ANKRD30BL: variants seen among roughly 807,000 people sequenced by gnomAD.
The protein encoded by ANKRD30BL is putative ankyrin repeat domain-containing protein 30B-like.
ANKRD30BL carries 20 observed loss-of-function variants against 18.4 expected under a neutral mutation model. That is an observed-to-expected ratio of 1.09 (90% CI 0.77 to 1.58). ANKRD30BL has a LOEUF of 1.58. ANKRD30BL is among the 40% of genes most tolerant of loss of function. The pLI is 0.00. For missense variants in ANKRD30BL, 224 were observed against 268.6 expected (o/e 0.83, Z 1.16); for synonymous variants, 72 against 100.9 (o/e 0.71, Z 1.72).
chr2:132,256,236 C>A (rs1446780824), intron 1 of ANKRD30BL, among the ~76,000 whole-genome samples: 1 of 151,700 alleles, frequency 6.6e-6, no homozygotes, highest in Non-Finnish European at 1.5e-5. Flanking sequence ...ATGAGCCCGG[C>A]GTCCCAGTTG....
chr2:132,198,259 CT>C (rs1447907507), intron 1 of ANKRD30BL, among the ~76,000 whole-genome samples: 5 of 130,712 alleles, frequency 3.8e-5, no homozygotes, highest in African/African-American at 1.8e-4. Flanking sequence ...ACTATACCTT[CT>C]TTCTTTCTTT....
At chr2:132,160,401 C>CTTTTTTTTTTTTTT (rs33924872) in intron 1 of ANKRD30BL, among the ~76,000 whole-genome samples, 3 of 97,588 alleles carry the variant, frequency 3.1e-5, no homozygotes, top group African/African-American at 1.3e-4. Context: ...ACGCCTGGCC[C>CTTTTTTTTTTTTTT]TTTTTTTTTT....
chr2:132,178,950 T>A (rs556196986), intron 1 of ANKRD30BL, among the ~76,000 whole-genome samples: 83 of 151,544 alleles, frequency 5.5e-4, no homozygotes, highest in African/African-American at 1.9e-3. Context: ...TGGTGATGCA[T>A]TTTGCAGAGG....
intron 1 of ANKRD30BL, among the ~76,000 whole-genome samples, chr2:132,179,322 C>G: frequency 6.7e-6 from 1 of 148,486 alleles, no homozygotes. Context: ...GAGTCTCCCT[C>G]TGTTGCCCAG....
chr2:132,197,634 G>A (rs1215603486), intron 1 of ANKRD30BL, among the ~76,000 whole-genome samples: 1 of 151,638 alleles, frequency 6.6e-6, no homozygotes, highest in African/African-American at 2.4e-5. Flanking sequence ...ATTATATTGT[G>A]TGTAGAGAGG....
At chr2:132,159,454 C>T (rs1296622309) in intron 1 of ANKRD30BL, among the ~76,000 whole-genome samples, 1 of 152,050 alleles carries the variant, frequency 6.6e-6, no homozygotes, top group African/African-American at 2.4e-5. Context: ...AACTTAAATG[C>T]CTTCTGTAAC....
At chr2:132,215,207 T>A (rs1679464834) in intron 1 of ANKRD30BL, among the ~76,000 whole-genome samples, 1 of 152,222 alleles carries the variant, frequency 6.6e-6, no homozygotes, top group South Asian at 2.1e-4. Context: ...GACAGAAGCA[T>A]TCTGAGAAAC....
At chr2:132,198,878 A>G (rs1679035233) in intron 1 of ANKRD30BL, among the ~76,000 whole-genome samples, 1 of 152,282 alleles carries the variant, frequency 6.6e-6, no homozygotes, top group African/African-American at 2.4e-5. Context: ...TAGGCCTCCC[A>G]AAGTACTGGA....
chr2:132,157,841 G>A (rs1479087751), intron 1 of ANKRD30BL, among the ~76,000 whole-genome samples: 1 of 152,110 alleles, frequency 6.6e-6, no homozygotes, highest in Non-Finnish European at 1.5e-5. Flanking sequence ...CTCAGTAATT[G>A]ATAGATAATG....
chr2:132,183,137 C>CTT (rs144303092), intron 1 of ANKRD30BL, among the ~76,000 whole-genome samples: 5,226 of 140,196 alleles, frequency 0.037, 342 homozygotes, highest in African/African-American at 0.13. Flanking sequence ...GACAAAGTAG[C>CTT]TTTTTTTTTT....
At chr2:132,238,498 C>T (rs1283143417) in intron 1 of ANKRD30BL, among the ~76,000 whole-genome samples, 2 of 151,914 alleles carry the variant, frequency 1.3e-5, no homozygotes, top group African/African-American at 4.8e-5. Context: ...GTGATGCTTA[C>T]GTTCAACTGA....
intron 1 of ANKRD30BL, among the ~76,000 whole-genome samples, chr2:132,205,695 G>A (rs561687011): frequency 6.6e-5 from 10 of 151,778 alleles, no homozygotes; most frequent in Admixed American, 6.6e-4. Context: ...GTGGTCTTAA[G>A]GAAGTCAAGG....
intron 1 of ANKRD30BL, among the ~76,000 whole-genome samples, chr2:132,199,714 CT>C (rs1469635476): frequency 1.3e-5 from 2 of 151,892 alleles, no homozygotes. Flanking sequence ...GCTTAGGTTA[CT>C]TGTTTATTAG....
intron 1 of ANKRD30BL, among the ~76,000 whole-genome samples, chr2:132,192,409 G>C: frequency 6.6e-6 from 1 of 152,180 alleles, no homozygotes. Flanking sequence ...CAGCTCCTGG[G>C]ATTCTGAAAC....
chr2:132,170,848 T>G (rs1688264826), intron 1 of ANKRD30BL, among the ~76,000 whole-genome samples: 1 of 152,026 alleles, frequency 6.6e-6, no homozygotes. Flanking sequence ...AAACTTTTTC[T>G]TTTTTTTGAT....
At chr2:132,201,268 T>C (rs1284241657) in intron 1 of ANKRD30BL, among the ~76,000 whole-genome samples, 7 of 152,142 alleles carry the variant, frequency 4.6e-5, no homozygotes, top group Non-Finnish European at 8.8e-5. Context: ...CCAAAAGCAA[T>C]GGCAACCAAA....
At chr2:132,192,574 A>C (rs1026532658) in intron 1 of ANKRD30BL, among the ~76,000 whole-genome samples, 1 of 152,230 alleles carries the variant, frequency 6.6e-6, no homozygotes, top group Non-Finnish European at 1.5e-5. Context: ...GTAGTTCATC[A>C]TGAGGTGGAA....
In ANKRD30BL at chr2:132,219,758, C is replaced by A. The variant is rs1380108059; in HGVS notation, n.441+37771G>T. On this transcript the variant is annotated intron_variant and non_coding_transcript_variant, in intron 1 of 4. Transcript: ENST00000470729. ...TTTTTGATAGAGCAGTTTTGAAACA[C>A]TCTTTCTGTAGAATCTGCATGTGGA... Among the ~76,000 whole-genome samples, 8 of 152,094 alleles carry A rather than the reference C, an allele frequency of 5.3e-5. No homozygotes were observed. The East Asian group carries it at 1.5e-3, about 29-fold the overall frequency.
chr2:132,256,169 T>C (rs919296457), intron 1 of ANKRD30BL, among the ~76,000 whole-genome samples: 1 of 152,216 alleles, frequency 6.6e-6, no homozygotes, highest in African/African-American at 2.4e-5. Context: ...GAGACAAGCA[T>C]ATGGTTCTGA....
Sources: allele counts gnomAD v4.1 joint callset (sites outside exome capture counted in the v4.1 genomes callset), GRCh38; gene constraint gnomAD v4.1.1; transcripts MANE v1.5; gene names NCBI Gene and HGNC (gene_info 2026-07-23, HGNC 2026-07-21).